Variants in OSTF1 observed in about 807,000 individuals in gnomAD.
The protein encoded by OSTF1 is osteoclast-stimulating factor 1.
A neutral mutation model predicts 37.2 loss-of-function variants in OSTF1; 27 were observed. The observed-to-expected ratio is 0.73, with a 90% CI of 0.54 to 1.00. The LOEUF is 1.00. OSTF1 is among the 50% of genes least tolerant of loss of function. The pLI is 0.00. For missense variants in OSTF1, 232 were observed against 253.8 expected (o/e 0.91, Z 0.58); for synonymous variants, 82 against 89.2 (o/e 0.92, Z 0.46).
At chr9:75,134,453 G>A in intron 7 of OSTF1, 58 bp downstream of exon 7, 5 of 851,296 alleles carry the variant, frequency 5.9e-6, no homozygotes, top group Non-Finnish European at 9.7e-6. Flanking sequence ...CTTTAGTACA[G>A]AGCAACTCAT....
At chr9:75,133,534 A>C in intron 6 of OSTF1, 133 bp downstream of exon 6, 1 of 591,530 alleles carries the variant, frequency 1.7e-6, no homozygotes, top group Non-Finnish European at 3.0e-6. Flanking sequence ...ACCGGCCAAA[A>C]CCCTTGTTCC....
intron 1 of OSTF1, among the ~76,000 whole-genome samples, chr9:75,105,120 T>G (rs1334337051): frequency 6.6e-6 from 1 of 152,212 alleles, no homozygotes; most frequent in Non-Finnish European, 1.5e-5. Flanking sequence ...GTCTTTAATC[T>G]TGCATATATG....
chr9:75,120,762 C>G (rs1230753168), intron 2 of OSTF1, among the ~76,000 whole-genome samples: 1 of 152,176 alleles, frequency 6.6e-6, no homozygotes, highest in Non-Finnish European at 1.5e-5. Context: ...AGATGTCATC[C>G]TATATAGTCC....
intron 1 of OSTF1, among the ~76,000 whole-genome samples, chr9:75,098,205 T>G (rs1825122839): frequency 6.6e-6 from 1 of 152,178 alleles, no homozygotes; most frequent in Non-Finnish European, 1.5e-5. Context: ...TTTTCAATGA[T>G]CCACTTCCCA....
intron 1 of OSTF1, among the ~76,000 whole-genome samples, chr9:75,116,872 T>C: frequency 6.6e-6 from 1 of 152,250 alleles, no homozygotes; most frequent in Non-Finnish European, 1.5e-5. Flanking sequence ...TGTCTGTTCT[T>C]ACATTCACTT....
At chr9:75,098,613 A>T (rs921404408) in intron 1 of OSTF1, among the ~76,000 whole-genome samples, 2 of 152,198 alleles carry the variant, frequency 1.3e-5, no homozygotes, top group Admixed American at 1.3e-4. Flanking sequence ...ACTCAGTAAC[A>T]TCAACTCTGT....
rs1229067499 is a variant in OSTF1, at chr9:75,088,544, T to A, written c.-149T>A. The A allele has an allele frequency of 4.8e-6, 4 of 826,286 alleles. No individual in the cohort carries two copies. Among genetic ancestry groups the A allele is most frequent in the Admixed American group, 2.2e-5 (1 of 45,300 alleles). The allele number at this position is 826,286 out of a possible 1,614,324, so 51.2% of individuals were successfully genotyped here. On this transcript the variant is annotated 5_prime_UTR_variant, in exon 1 of 10. Coordinates refer to ENST00000346234, the MANE Select transcript of OSTF1 (RefSeq NM_012383.5). ...GCGGAGCCGCTCTGCCTGCGTCCGC[T>A]CTTCCCGCAGCCAAGGGTGGGCGCC...
chr9:75,102,188 T>C (rs1019794561), intron 1 of OSTF1, among the ~76,000 whole-genome samples: 34 of 152,192 alleles, frequency 2.2e-4, no homozygotes, highest in African/African-American at 8.0e-4. Context: ...TTGCCCAGGC[T>C]GATCCTGAAC....
At chr9:75,099,686 G>C (rs566008648) in intron 1 of OSTF1, among the ~76,000 whole-genome samples, 2 of 152,176 alleles carry the variant, frequency 1.3e-5, no homozygotes, top group African/African-American at 4.8e-5. Flanking sequence ...CAAATTAGCC[G>C]GGTGTGGTGA....
intron 1 of OSTF1, among the ~76,000 whole-genome samples, chr9:75,108,354 A>C (rs1188990907): frequency 6.6e-6 from 1 of 151,596 alleles, no homozygotes; most frequent in Non-Finnish European, 1.5e-5. Context: ...CCTTTTGTGG[A>C]GGTGGCATGA....
intron 1 of OSTF1, among the ~76,000 whole-genome samples, chr9:75,114,167 G>T (rs1276508118): frequency 4.6e-5 from 7 of 152,182 alleles, no homozygotes; most frequent in Admixed American, 2.6e-4. Context: ...GTGTGTGTGT[G>T]TGTGTGTATG....
intron 5 of OSTF1, among the ~76,000 whole-genome samples, chr9:75,132,418 C>T (rs57352594): frequency 1.3e-5 from 2 of 152,276 alleles, no homozygotes; most frequent in East Asian, 1.9e-4. Context: ...CTTTCACAAA[C>T]CCCGAGGGTA....
At chr9:75,120,256 G>C (rs1409789346) in intron 2 of OSTF1, among the ~76,000 whole-genome samples, 1 of 152,148 alleles carries the variant, frequency 6.6e-6, no homozygotes, top group Non-Finnish European at 1.5e-5. Context: ...AAGAATTTGA[G>C]GTAGGGAGAG....
chr9:75,133,416 T>C lies in OSTF1; in HGVS notation c.358+15T>C. On this transcript the variant is annotated intron_variant, in intron 6 of 9. Transcript: ENST00000346234. ...GGGCCACAAAGGTATTACATTTTGTTTGTTATATGTTTCTATGCTGCTGAA... is the reference window on the plus strand; with the variant it reads ...GGGCCACAAAGGTATTACATTTTGTCTGTTATATGTTTCTATGCTGCTGAA... 7.0e-7 allele frequency: 1 copy of C among 1,431,912 alleles called. No homozygotes were observed. The highest frequency in any genetic ancestry group is 9.8e-7 in the Non-Finnish European group (1 of 1,020,368). The allele number at this position is 1,431,912 out of a possible 1,614,324, so 88.7% of individuals were successfully genotyped here.
chr9:75,124,253 A>G (rs1458791173), intron 2 of OSTF1, among the ~76,000 whole-genome samples: 3 of 152,218 alleles, frequency 2.0e-5, no homozygotes, highest in Non-Finnish European at 2.9e-5. Context: ...CAACCCCTCA[A>G]GCGTTTATCG....
At chr9:75,101,242 A>G (rs920737084) in intron 1 of OSTF1, among the ~76,000 whole-genome samples, 3 of 152,146 alleles carry the variant, frequency 2.0e-5, no homozygotes, top group Admixed American at 2.0e-4. Context: ...CAGGTCAGGT[A>G]GGTCAGGGCG....
At chr9:75,145,561 A>G (rs1326025045) in intron 9 of OSTF1, among the ~76,000 whole-genome samples, 1 of 152,210 alleles carries the variant, frequency 6.6e-6, no homozygotes, top group African/African-American at 2.4e-5. Context: ...GGAACATTCT[A>G]TTAGGAAAAG....
At chr9:75,095,213 C>T (rs1196327339) in intron 1 of OSTF1, among the ~76,000 whole-genome samples, 1 of 152,178 alleles carries the variant, frequency 6.6e-6, no homozygotes, top group African/African-American at 2.4e-5. Flanking sequence ...TGCTTACACA[C>T]GTAAATCCAT....
intron 2 of OSTF1, among the ~76,000 whole-genome samples, chr9:75,120,799 C>G (rs1220168809): frequency 1.3e-5 from 2 of 152,212 alleles, no homozygotes; most frequent in Admixed American, 6.5e-5. Flanking sequence ...CCGCTGTGCT[C>G]TGCTCCTTCC....
Sources: gnomAD v4.1 joint callset for allele counts (sites outside exome capture counted in the v4.1 genomes callset) on GRCh38, gnomAD v4.1.1 for gene constraint, MANE v1.5 for transcripts, NCBI Gene and HGNC (gene_info 2026-07-23, HGNC 2026-07-21) for gene names.